Variants in COL28A1 observed in about 807,000 individuals in gnomAD.
COL28A1 encodes the protein collagen type XXVIII alpha 1 chain, also known as collagen alpha-1(XXVIII) chain.
Under a neutral mutation model 150.2 loss-of-function variants are expected in COL28A1, and 161 were observed. The observed-to-expected ratio is 1.07, with a 90% CI of 0.94 to 1.22. The LOEUF is 1.22. Among genes scored for constraint, COL28A1 ranks in the 50% most tolerant of loss-of-function variants. The probability of loss-of-function intolerance (pLI) is 0.00; values close to 1 mark genes in which losing one functional copy is unlikely to be tolerated. For missense variants in COL28A1, 1,617 were observed against 1,388.3 expected, an observed-to-expected ratio of 1.16 and a Z score of -2.62; for synonymous variants, 552 against 469.7, an observed-to-expected ratio of 1.18 and a Z score of -2.26.
intron 30 of COL28A1, among the ~76,000 whole-genome samples, chr7:7,376,630 G>A (rs1781559738): frequency 6.6e-6 from 1 of 151,774 alleles, no homozygotes; most frequent in African/African-American, 2.4e-5. Context: ...GTACAGAAAG[G>A]TAAAATGTAT....
intron 27 of COL28A1, among the ~76,000 whole-genome samples, chr7:7,387,812 C>G (rs950793747): frequency 2.6e-5 from 4 of 152,124 alleles, no homozygotes; most frequent in South Asian, 2.1e-4. Flanking sequence ...ACTGCTGCAG[C>G]GGCTAAAGCA....
intron 25 of COL28A1, among the ~76,000 whole-genome samples, chr7:7,421,122 T>C (rs530602752): frequency 6.6e-6 from 1 of 152,230 alleles, no homozygotes; most frequent in Non-Finnish European, 1.5e-5. Context: ...GACAAAGTGC[T>C]GTAAATTCAG....
At chr7:7,462,271 A>T (rs1282705304) in intron 15 of COL28A1, among the ~76,000 whole-genome samples, 1 of 152,184 alleles carries the variant, frequency 6.6e-6, no homozygotes, top group Non-Finnish European at 1.5e-5. Context: ...GGCCTACCCA[A>T]ATGAGAAGGA....
At chr7:7,517,973 C>A in intron 6 of COL28A1, 136 bp from the exon 7 acceptor site, 249 of 799,308 alleles carry the variant, frequency 3.1e-4, no homozygotes, top group Middle Eastern at 5.5e-4. Flanking sequence ...GACATTTTCA[C>A]TATGCAATCT....
chr7:7,523,749 G>T (rs1488482163), intron 4 of COL28A1, among the ~76,000 whole-genome samples: 2 of 152,108 alleles, frequency 1.3e-5, no homozygotes, highest in Non-Finnish European at 2.9e-5. Context: ...ACGTGGTCTG[G>T]TTGCCATCAT....
In COL28A1 at chr7:7,437,315, A is replaced by G. The variant is rs1047952917; in HGVS notation, c.1791+79T>C. 5.0e-5 allele frequency: 76 copies of G among 1,512,658 alleles called. 2 individuals are homozygous for G. The South Asian group carries it at 9.4e-4, about 19-fold the overall frequency. 93.7% of individuals were successfully genotyped at this position (1,512,658 alleles called of 1,614,324 possible). ...AAGGCTCTTCCAAAACTAAAATTCT[A>G]GTTCACTGGTATCATGATTTTTTTT... On this transcript the variant is annotated intron_variant, in intron 22 of 34. Transcript: ENST00000399429.
intron 13 of COL28A1, among the ~76,000 whole-genome samples, chr7:7,477,534 C>T (rs1789000527): frequency 6.6e-6 from 1 of 152,154 alleles, no homozygotes; most frequent in Non-Finnish European, 1.5e-5. Context: ...AAGCCGCGGA[C>T]CCTCGCGGTG....
At chr7:7,464,387 C>T (rs1307720254) in intron 15 of COL28A1, among the ~76,000 whole-genome samples, 1 of 152,200 alleles carries the variant, frequency 6.6e-6, no homozygotes, top group African/African-American at 2.4e-5. Context: ...ATGGTACCTT[C>T]TCCAAGATAA....
intron 18 of COL28A1, 51 bp downstream of exon 18, chr7:7,452,268 A>G (rs1368699257): frequency 6.9e-6 from 11 of 1,582,910 alleles, no homozygotes; most frequent in Non-Finnish European, 8.5e-6. Flanking sequence ...AGGAAACCTT[A>G]TATAATGTTA....
In COL28A1 at chr7:7,517,848, C is replaced by A; in HGVS notation, c.814-11G>T. ...TTTTTGAGCGTTGCCCTGTGACAAA[C>A]AAAAAACAGTAAAAATTCCACAGCC... On this transcript the variant is annotated splice_polypyrimidine_tract_variant and intron_variant, in intron 6 of 34. Transcript: ENST00000399429. The A allele has an allele frequency of 6.2e-7, 1 of 1,613,440 alleles. No homozygotes were observed.
chr7:7,368,932 T>A (rs59863208), intron 33 of COL28A1, among the ~76,000 whole-genome samples: 2,139 of 152,316 alleles, frequency 0.014, 66 homozygotes, highest in African/African-American at 0.049. Context: ...ATCTTGTACT[T>A]ACCTATCTCC....
chr7:7,345,086 T>C, the COL28A1 span, among the ~76,000 whole-genome samples: 4 of 152,058 alleles, frequency 2.6e-5, no homozygotes, highest in South Asian at 2.1e-4. Context: ...TTTTGTGTGA[T>C]ATACTTGCTG....
chr7:7,417,885 G>C lies in COL28A1; in HGVS notation c.2110C>G (p.Pro704Ala), dbSNP rs752340529. ...TTAATTCCCTGTGATCCATAGCCAG[G>C]GGGGCCAGGAGGGCCAGGCAAGCCT... ...QKGLPGPPGP[P>A]GYGSQGIKGE... Residue 704 changes from proline (P) to alanine (A), a missense_variant, in exon 27 of 35, where the codon CCT becomes GCT. Pro to Ala is a conservative substitution (Grantham distance 27, BLOSUM62 -1). Transcript: ENST00000399429. 6 of 1,613,370 alleles carry C rather than the reference G, an allele frequency of 3.7e-6. No individual in the cohort carries two copies. Among genetic ancestry groups the C allele is most frequent in the East Asian group, 4.5e-5 (2 of 44,834 alleles).
chr7:7,506,150 C>A, intron 10 of COL28A1, 83 bp from the exon 11 acceptor site: 1 of 815,766 alleles, frequency 1.2e-6, no homozygotes, highest in East Asian at 2.4e-5. Flanking sequence ...CCCTAGAGAT[C>A]CTGGCGATCG....
chr7:7,365,862 A>G (rs1181918512), intron 33 of COL28A1, among the ~76,000 whole-genome samples: 1 of 152,158 alleles, frequency 6.6e-6, no homozygotes, highest in Non-Finnish European at 1.5e-5. Flanking sequence ...GATTCTCCCC[A>G]AGAATCAAAC....
At chr7:7,508,563 G>C (rs1414326187) in intron 9 of COL28A1, among the ~76,000 whole-genome samples, 2 of 152,238 alleles carry the variant, frequency 1.3e-5, no homozygotes, top group Non-Finnish European at 2.9e-5. Flanking sequence ...CCGAGTATGA[G>C]AGAGTGTATC....
rs1055485602 is a variant in COL28A1, at chr7:7,476,182, G to A, written c.1233+930C>T. ...TTAGAAAGCAGCATGTACTTCTCCG[G>A]GCAGTATGTGTGTATATGCATGTGT... is the stretch of plus-strand genomic sequence containing the variant. On this transcript the variant is annotated intron_variant, in intron 14 of 34. Transcript: ENST00000399429. Among the ~76,000 whole-genome samples the A allele has an allele frequency of 1.1e-4, 16 of 152,110 alleles. 1 individual carries two copies. The highest frequency in any genetic ancestry group is 4.6e-4 in the Admixed American group (7 of 15,270).
At chr7:7,411,407 C>T (rs1358424251) in intron 27 of COL28A1, among the ~76,000 whole-genome samples, 4 of 152,180 alleles carry the variant, frequency 2.6e-5, no homozygotes, top group African/African-American at 4.8e-5. Context: ...CCCATCTTCA[C>T]ACCCCTGTTT....
chr7:7,363,190 G>A (rs1780759129), intron 33 of COL28A1, among the ~76,000 whole-genome samples: 1 of 152,144 alleles, frequency 6.6e-6, no homozygotes, highest in African/African-American at 2.4e-5. Context: ...GGTCTAGAAG[G>A]TGAGACTGTT....
Sources: gnomAD v4.1 joint callset for allele counts (sites outside exome capture counted in the v4.1 genomes callset) on GRCh38, gnomAD v4.1.1 for gene constraint, MANE v1.5 for transcripts, NCBI Gene and HGNC (gene_info 2026-07-23, HGNC 2026-07-21) for gene names.